The following METTL15 variants were observed in gnomAD, a reference collection of about 807,000 sequenced individuals.
METTL15 encodes methyltransferase 15, mitochondrial 12S rRNA N4-cytidine.
A neutral mutation model predicts 38.3 loss-of-function variants in METTL15; 34 were observed. That is an observed-to-expected ratio of 0.89 (90% CI 0.68 to 1.18). The LOEUF is 1.18. Among genes scored for constraint, METTL15 ranks in the 50% most tolerant of loss-of-function variants. The pLI is 0.00. For synonymous variants in METTL15, 162 were observed against 170.9 expected, an observed-to-expected ratio of 0.95 and a Z score of 0.41; for missense variants, 438 against 498.4, an observed-to-expected ratio of 0.88 and a Z score of 1.15.
intron 5 of METTL15, among the ~76,000 whole-genome samples, chr11:28,390,072 T>A (rs1226736345): frequency 1.3e-5 from 2 of 151,004 alleles, no homozygotes; most frequent in African/African-American, 4.8e-5. Context: ...CACTTTTTGA[T>A]GGGGTTGTTT....
At chr11:28,437,799 A>C (rs1002153935) in intron 6 of METTL15, among the ~76,000 whole-genome samples, 7 of 152,222 alleles carry the variant, frequency 4.6e-5, no homozygotes, top group Admixed American at 6.5e-5. Context: ...TTTACACATC[A>C]TTTGTCTAAA....
At chr11:28,327,528 A>C (rs1360227517) in intron 6 of METTL15, 6 of 152,582 alleles carry the variant, frequency 3.9e-5, no homozygotes, top group African/African-American at 1.4e-4. Context: ...AAATTCTATA[A>C]TATAAAATAC....
intron 4 of METTL15, among the ~76,000 whole-genome samples, chr11:28,213,248 T>A (rs1407763324): frequency 6.6e-6 from 1 of 152,010 alleles, no homozygotes; most frequent in East Asian, 1.9e-4. Flanking sequence ...AAGGAATTAG[T>A]ACAGATAAAA....
chr11:28,480,231 C>A lies in METTL15; in HGVS notation c.*425-46247C>A, dbSNP rs375631399. On this transcript the variant is annotated intron_variant and NMD_transcript_variant, in intron 6 of 7. Transcript: ENST00000532947. Reference sequence around the variant, plus strand: ...ATATATACTCAACAAAGCAATACAGCAAACACTGATTTGTAGCATTTGCCA... The same window carrying A: ...ATATATACTCAACAAAGCAATACAGAAAACACTGATTTGTAGCATTTGCCA... Among the ~76,000 whole-genome samples the A allele has an allele frequency of 5.1e-4, 77 of 152,092 alleles. 1 individual carries two copies. The highest frequency in any genetic ancestry group is 1.0e-3 in the Non-Finnish European group (69 of 68,018).
intron 4 of METTL15, among the ~76,000 whole-genome samples, chr11:28,250,273 T>C (rs1854685403): frequency 6.6e-6 from 1 of 152,006 alleles, no homozygotes; most frequent in Admixed American, 6.6e-5. Flanking sequence ...GATAATTCTG[T>C]TTTAAGTTCT....
intron 4 of METTL15, among the ~76,000 whole-genome samples, chr11:28,281,233 A>G (rs1856042370): frequency 6.6e-6 from 1 of 152,104 alleles, no homozygotes; most frequent in African/African-American, 2.4e-5. Context: ...GTAATAATCT[A>G]TTTTTTGTTG....
chr11:28,452,053 T>C (rs886561767), intron 6 of METTL15, among the ~76,000 whole-genome samples: 1 of 152,234 alleles, frequency 6.6e-6, no homozygotes, highest in Admixed American at 6.5e-5. Flanking sequence ...TCTTAGCTTC[T>C]GGCTGAGTGG....
intron 3 of METTL15, among the ~76,000 whole-genome samples, chr11:28,170,262 GCCTGGTAACCTAGCA>G (rs1197629762): frequency 6.6e-6 from 1 of 152,096 alleles, no homozygotes; most frequent in East Asian, 1.9e-4. Flanking sequence ...CCTCTGCTGT[GCCTGGTAACCTAGCA>G]CCTAGGTTTT....
intron 6 of METTL15, among the ~76,000 whole-genome samples, chr11:28,457,428 T>A (rs1851178303): frequency 6.6e-6 from 1 of 152,212 alleles, no homozygotes; most frequent in Non-Finnish European, 1.5e-5. Context: ...ATTATCATAA[T>A]CCTTAAGCAC....
intron 6 of METTL15, among the ~76,000 whole-genome samples, chr11:28,435,291 A>G (rs1850971733): frequency 6.6e-6 from 1 of 152,204 alleles, no homozygotes; most frequent in Non-Finnish European, 1.5e-5. Context: ...TGCTCTAAAC[A>G]TACTCAACAT....
intron 3 of METTL15, among the ~76,000 whole-genome samples, chr11:28,123,584 T>G (rs183934620): frequency 4.2e-4 from 63 of 149,942 alleles, no homozygotes; most frequent in South Asian, 8.4e-4. Flanking sequence ...GGAGGTAATA[T>G]GCATTTAAAT....
In METTL15 at chr11:28,522,372, A is replaced by G. The variant is rs568818822; in HGVS notation, c.*425-4106A>G. On this transcript the variant is annotated intron_variant and NMD_transcript_variant, in intron 6 of 7. Transcript: ENST00000532947. ...TGCAAAATGGCCCAGCAGGCTGGAG[A>G]CCCGAAGAAGAGCTGACTGTACAGT... Among the ~76,000 whole-genome samples the G allele has an allele frequency of 3.1e-4, 47 of 152,292 alleles. No homozygotes were observed. The South Asian group carries it at 9.8e-3, about 32-fold the overall frequency.
At chr11:28,525,209 T>A (rs1048987260) in intron 6 of METTL15, among the ~76,000 whole-genome samples, 66 of 152,180 alleles carry the variant, frequency 4.3e-4, no homozygotes, top group African/African-American at 1.5e-3. Flanking sequence ...GAAGAGGACC[T>A]GAGCGGGTTG....
chr11:28,184,152 T>C (rs1851404049), intron 3 of METTL15, among the ~76,000 whole-genome samples: 2 of 152,106 alleles, frequency 1.3e-5, no homozygotes, highest in Non-Finnish European at 2.9e-5. Context: ...CTCTCTTTTC[T>C]TCTTTACTCG....
rs142950567 is a variant in METTL15, at chr11:28,464,232, A to G, written c.*424+39868A>G. ...CATTCTACAAAAGTTTCTACCAATA[A>G]TGGTGAAAATAGCTAAAAATATATA... On this transcript the variant is annotated intron_variant and NMD_transcript_variant, in intron 6 of 7. Coordinates refer to the METTL15 transcript ENST00000532947. Among the ~76,000 whole-genome samples, 31 of 152,312 alleles carry G rather than the reference A, an allele frequency of 2.0e-4. 1 individual carries two copies. Among genetic ancestry groups the G allele is most frequent in the Middle Eastern group, 3.4e-3 (1 of 294 alleles).
At chr11:28,206,058 G>T (rs1489751211) in intron 3 of METTL15, among the ~76,000 whole-genome samples, 17 of 142,988 alleles carry the variant, frequency 1.2e-4, no homozygotes, top group African/African-American at 4.7e-4. Context: ...TCTGTAGGTT[G>T]CCTGTTCACT....
At chr11:28,327,048 G>C (rs1398542458) in intron 6 of METTL15, among the ~76,000 whole-genome samples, 1 of 152,108 alleles carries the variant, frequency 6.6e-6, no homozygotes, top group Non-Finnish European at 1.5e-5. Context: ...CAGTATAAAG[G>C]AAGGATAGCC....
At chr11:28,152,481 T>C (rs1297048606) in intron 3 of METTL15, among the ~76,000 whole-genome samples, 3 of 152,042 alleles carry the variant, frequency 2.0e-5, no homozygotes, top group Non-Finnish European at 4.4e-5. Context: ...TTTTTAAATA[T>C]AGTTTGACAG....
chr11:28,140,970 C>T (rs1272915648), intron 3 of METTL15, among the ~76,000 whole-genome samples: 3 of 152,214 alleles, frequency 2.0e-5, no homozygotes, highest in African/African-American at 7.2e-5. Context: ...CTGAAGCTGG[C>T]TAACTCCTTT....
Sources: allele counts gnomAD v4.1 joint callset (sites outside exome capture counted in the v4.1 genomes callset), GRCh38; gene constraint gnomAD v4.1.1; transcripts MANE v1.5; gene names NCBI Gene and HGNC (gene_info 2026-07-23, HGNC 2026-07-21).